Variants in POU3F3 observed in about 807,000 individuals in gnomAD.
POU3F3 encodes POU class 3 homeobox 3.
In POU3F3, 1 loss-of-function variant was observed where a neutral mutation model predicts 8.6. The ratio of observed to expected loss-of-function variants is 0.12; its 90% CI spans 0.04 to 0.55. The LOEUF (loss-of-function observed/expected upper bound fraction) is 0.55. Ranked by LOEUF, POU3F3 falls within the 20% of genes least tolerant of loss-of-function variation. POU3F3 has a pLI of 0.91. For missense variants in POU3F3, 577 were observed against 690.7 expected (o/e 0.84, Z 1.84); for synonymous variants, 418 against 327.4 (o/e 1.28, Z -2.99).
chr2:104,913,186 G>A, the POU3F3 span, among the ~76,000 whole-genome samples: 2 of 141,638 alleles, frequency 1.4e-5, no homozygotes, highest in South Asian at 2.2e-4. Flanking sequence ...ACTTGGGCCT[G>A]TTGGCTTTTT....
At chr2:104,861,088 C>T (rs908977423), downstream of POU3F3, among the ~76,000 whole-genome samples, 2 of 151,852 alleles carry the variant, frequency 1.3e-5, no homozygotes, top group African/African-American at 2.4e-5. Flanking sequence ...TGTATTTATT[C>T]GTTTATTTTT....
At chr2:104,885,411 A>G in the POU3F3 span, among the ~76,000 whole-genome samples, 5 of 152,216 alleles carry the variant, frequency 3.3e-5, no homozygotes, top group Non-Finnish European at 5.9e-5. Flanking sequence ...GAAATAGGAG[A>G]TCAGCACGAG....
chr2:104,916,429 G>A, the POU3F3 span, among the ~76,000 whole-genome samples: 58,316 of 151,830 alleles, frequency 0.38, 11,282 homozygotes, highest in East Asian at 0.46. Context: ...GCTTACCTGC[G>A]TGCCTCTGAT....
the POU3F3 span, among the ~76,000 whole-genome samples, chr2:104,889,879 A>G: frequency 2.0e-5 from 3 of 152,220 alleles, no homozygotes; most frequent in South Asian, 2.1e-4. Flanking sequence ...ATATATAGCA[A>G]ATCTATTTTT....
chr2:104,875,241 C>T, the POU3F3 span, among the ~76,000 whole-genome samples: 4 of 152,206 alleles, frequency 2.6e-5, no homozygotes, highest in South Asian at 2.1e-4. Context: ...CATCTGTCCC[C>T]GGACACTTGA....
the POU3F3 span, chr2:104,866,418 G>C: frequency 3.9e-5 from 6 of 152,180 alleles, no homozygotes; most frequent in Admixed American, 3.9e-4. Flanking sequence ...CCAAAAGAGA[G>C]ATCAGTTACC....
the POU3F3 span, among the ~76,000 whole-genome samples, chr2:104,873,732 A>AC: frequency 3.9e-5 from 6 of 151,902 alleles, no homozygotes; most frequent in Non-Finnish European, 8.8e-5. Context: ...CTGGGTCTTG[A>AC]CCCCCTGCTT....
At chr2:104,889,390 A>G in the POU3F3 span, among the ~76,000 whole-genome samples, 5 of 152,170 alleles carry the variant, frequency 3.3e-5, no homozygotes, top group Admixed American at 3.3e-4. Flanking sequence ...CAGGAAGAGG[A>G]GGGGCCAGGC....
the POU3F3 span, among the ~76,000 whole-genome samples, chr2:104,874,389 A>C: frequency 1.3e-5 from 2 of 152,198 alleles, no homozygotes; most frequent in Non-Finnish European, 2.9e-5. Context: ...CGTGAGAGCC[A>C]GTGGTCATGG....
At position 104,856,455 on chromosome 2, in the gene POU3F3, C is replaced by T; in HGVS notation, c.945C>T (p.Asp315=). 6.2e-7 allele frequency: 1 copy of T among 1,612,872 alleles called. No homozygotes were observed. The highest frequency in any genetic ancestry group is 8.5e-7 in the Non-Finnish European group (1 of 1,179,856). ...GCCACGACCCGCACTCGGACGAGGA[C>T]ACGCCGACGTCGGACGACCTGGAGC... ...LNSHDPHSDE[D]TPTSDDLEQF... Residue 315 remains aspartate, a synonymous_variant, in exon 1 of 1, where the codon GAC becomes GAT. Coordinates refer to ENST00000361360, the MANE Select transcript of POU3F3 (RefSeq NM_006236.3).
the POU3F3 span, among the ~76,000 whole-genome samples, chr2:104,919,765 TCTC>T: frequency 2.0e-5 from 3 of 151,866 alleles, no homozygotes; most frequent in Non-Finnish European, 4.4e-5. Context: ...CCTCGCCTCT[TCTC>T]CTCCCTTGTC....
the POU3F3 span, chr2:104,866,469 A>G: frequency 6.6e-6 from 1 of 152,166 alleles, no homozygotes; most frequent in South Asian, 2.1e-4. Context: ...GGCTTCAAGG[A>G]GGGGAATAAA....
At chr2:104,868,662 TG>T in the POU3F3 span, among the ~76,000 whole-genome samples, 1 of 152,122 alleles carries the variant, frequency 6.6e-6, no homozygotes, top group South Asian at 2.1e-4. Flanking sequence ...ACTTCCCAAA[TG>T]GCTGCTGCCT....
At chr2:104,887,624 C>CA in the POU3F3 span, among the ~76,000 whole-genome samples, 24 of 152,206 alleles carry the variant, frequency 1.6e-4, no homozygotes, top group Admixed American at 1.4e-3. Flanking sequence ...TTCTACCTGC[C>CA]AAAAAAACTT....
chr2:104,885,015 C>T, the POU3F3 span, among the ~76,000 whole-genome samples: 3 of 152,092 alleles, frequency 2.0e-5, no homozygotes, highest in Middle Eastern at 3.2e-3. Flanking sequence ...AGCATTCTTA[C>T]ACAAAATGTA....
chr2:104,857,210 C>A lies in POU3F3; in HGVS notation c.*197C>A, dbSNP rs1453708102. On this transcript the variant is annotated 3_prime_UTR_variant, in exon 1 of 1. Transcript: ENST00000361360. ...CCCTCCACCCAGAGACAGGCATGCC[C>A]GCCCTTGGAGGAGAAAACGCGGGAG... 2 of 555,842 alleles carry A rather than the reference C, an allele frequency of 3.6e-6. No homozygotes were observed. Among genetic ancestry groups the A allele is most frequent in the Non-Finnish European group, 4.6e-6 (2 of 436,154 alleles). The allele number at this position is 555,842 out of a possible 1,614,324, so 34.4% of individuals were successfully genotyped here.
the POU3F3 span, among the ~76,000 whole-genome samples, chr2:104,884,611 C>T: frequency 2.0e-5 from 3 of 152,324 alleles, no homozygotes; most frequent in Middle Eastern, 3.4e-3. Flanking sequence ...GCACCCATGT[C>T]TCAGCTGAAT....
the POU3F3 span, among the ~76,000 whole-genome samples, chr2:104,872,994 T>C: frequency 2.6e-5 from 4 of 152,220 alleles, no homozygotes; most frequent in South Asian, 8.3e-4. The surrounding 1 kb of genome is among the most constrained non-coding windows in gnomAD (Gnocchi z 4.6). Flanking sequence ...CCAAGGGCCT[T>C]TTCATAAGGG....
Position 104,858,486 on chromosome 2 carries a change from T to C in POU3F3, c.*1473T>C, listed in dbSNP as rs1042152165. 6.6e-6 allele frequency: 1 copy of C among 152,230 alleles called. No individual in the cohort carries two copies. Among genetic ancestry groups the C allele is most frequent in the African/African-American group, 2.4e-5 (1 of 41,454 alleles). The allele number at this position is 152,230 out of a possible 1,614,324, so 9.4% of individuals were successfully genotyped here. ...ATGGACAGTTGTTAGGTAATAAGGG[T>C]ATCTTTTGATGTGATCATTTGATTG... On this transcript the variant is annotated 3_prime_UTR_variant, in exon 1 of 1. Transcript: ENST00000361360.
Sources: gnomAD v4.1 joint callset for allele counts (sites outside exome capture counted in the v4.1 genomes callset) on GRCh38, gnomAD v4.1.1 for gene constraint, Gnocchi (gnomAD v3.1) non-coding constraint, MANE v1.5 for transcripts, NCBI Gene and HGNC (gene_info 2026-07-23, HGNC 2026-07-21) for gene names.